Variants in SCAPER observed in about 807,000 individuals in gnomAD.
SCAPER encodes the protein S phase cyclin A-associated protein in the endoplasmic reticulum.
A neutral mutation model predicts 182.2 loss-of-function variants in SCAPER; 98 were observed. The ratio of observed to expected loss-of-function variants is 0.54; its 90% CI spans 0.46 to 0.64. The LOEUF (loss-of-function observed/expected upper bound fraction) is 0.64, where lower values mean the gene tolerates loss of function less well. Among genes scored for constraint, SCAPER ranks in the 30% least tolerant of loss-of-function variants. SCAPER has a pLI of 0.00. For synonymous variants in SCAPER, 605 were observed against 564.6 expected (o/e 1.07, Z -1.01); for missense variants, 1,432 against 1,690.0 (o/e 0.85, Z 2.68).
At chr15:76,741,497 G>A (rs2061535459) in intron 15 of SCAPER, among the ~76,000 whole-genome samples, 1 of 152,112 alleles carries the variant, frequency 6.6e-6, no homozygotes. Flanking sequence ...CTGGAGGGAG[G>A]AGGAACAAAA....
At chr15:76,612,845 C>T (rs577547939) in intron 22 of SCAPER, among the ~76,000 whole-genome samples, 1 of 152,278 alleles carries the variant, frequency 6.6e-6, no homozygotes, top group Non-Finnish European at 1.5e-5. Context: ...GGCCATACTG[C>T]TCAAAGCAGT....
chr15:76,849,411 G>A (rs1015615231), intron 4 of SCAPER, among the ~76,000 whole-genome samples: 2 of 152,090 alleles, frequency 1.3e-5, no homozygotes, highest in African/African-American at 4.8e-5. Context: ...CATGGGTCCC[G>A]CCCACCTCCT....
intron 6 of SCAPER, among the ~76,000 whole-genome samples, chr15:76,802,622 G>T (rs2065877823): frequency 6.6e-6 from 1 of 152,116 alleles, no homozygotes; most frequent in South Asian, 2.1e-4. Context: ...GGTTTCCCGG[G>T]AATCCAGCCC....
Position 76,353,946 on chromosome 15 carries a change from T to A in SCAPER, c.4047+3A>T. 1.3e-6 allele frequency: 2 copies of A among 1,559,402 alleles called. No individual in the cohort carries two copies. Among genetic ancestry groups the A allele is most frequent in the Non-Finnish European group, 8.6e-7 (1 of 1,158,826 alleles). On this transcript the variant is annotated splice_donor_region_variant and intron_variant, in intron 30 of 31. Transcript: ENST00000563290. ...AGACAATTACGTATAATGTAGAAGG[T>A]ACCTGAATGAAAGTGGCCAGTAAAA...
rs547937196 is a variant in SCAPER at position 76,462,611 on chromosome 15, C to G, written c.3078+8601G>C. Among the ~76,000 whole-genome samples, 3 of 152,206 alleles carry G rather than the reference C, an allele frequency of 2.0e-5. No homozygotes were observed. In the South Asian group the frequency reaches 6.2e-4, roughly 32 times the overall value. ...CTATCAGTATTTGTAAGCAGTGTGA[C>G]ATATTTTTTACACTGATGAAGGTAC... On this transcript the variant is annotated intron_variant, in intron 25 of 31. Coordinates refer to ENST00000563290, the MANE Select transcript of SCAPER (RefSeq NM_020843.4).
chr15:76,776,758 G>A (rs537443199), intron 8 of SCAPER, among the ~76,000 whole-genome samples: 3 of 152,224 alleles, frequency 2.0e-5, no homozygotes, highest in Non-Finnish European at 2.9e-5. Flanking sequence ...TTATAAAACC[G>A]GTAGGAGGAA....
At chr15:76,681,654 A>G (rs573573721) in intron 20 of SCAPER, among the ~76,000 whole-genome samples, 1 of 152,310 alleles carries the variant, frequency 6.6e-6, no homozygotes, top group Admixed American at 6.5e-5. Flanking sequence ...GGTTCTTGGC[A>G]CCCAAAAATT....
At position 76,887,378 on chromosome 15, in the gene SCAPER, T is replaced by A. The variant is rs1035667702; in HGVS notation, c.-59-3502A>T. On this transcript the variant is annotated intron_variant, in intron 1 of 31. Transcript: ENST00000563290. ...CGCCTCACCAGGGAAGCACAAGGGG[T>A]TGGGGATTTCTCATTCCTAGCCAAG... 3.3e-5 allele frequency among the ~76,000 whole-genome samples: 5 copies of A among 151,854 alleles called. No individual in the cohort carries two copies. In the East Asian group the frequency reaches 5.8e-4, roughly 18 times the overall value.
At chr15:76,535,767 G>C (rs2044105682) in intron 23 of SCAPER, among the ~76,000 whole-genome samples, 2 of 152,170 alleles carry the variant, frequency 1.3e-5, no homozygotes, top group South Asian at 4.1e-4. Context: ...AAGGAGTCTT[G>C]TTAAGGTAGA....
chr15:76,780,028 T>C lies in SCAPER; in HGVS notation c.773-4911A>G, dbSNP rs891565042. On this transcript the variant is annotated intron_variant, in intron 8 of 31. Coordinates refer to ENST00000563290, the MANE Select transcript of SCAPER (RefSeq NM_020843.4). ...ACCTGGTTCATCTCATTGTGACTGG[T>C]TGGACAGGAGGCGCCCACAAAAGGC... 2.0e-5 allele frequency among the ~76,000 whole-genome samples: 3 copies of C among 152,216 alleles called. No individual in the cohort carries two copies. In the South Asian group the frequency reaches 6.2e-4, roughly 32 times the overall value.
At chr15:76,712,542 T>G (rs956992803) in intron 17 of SCAPER, among the ~76,000 whole-genome samples, 2 of 152,324 alleles carry the variant, frequency 1.3e-5, no homozygotes, top group African/African-American at 4.8e-5. Flanking sequence ...ATGGCCATTT[T>G]CACGATATTG....
chr15:76,539,033 C>T (rs1369303144), intron 23 of SCAPER, among the ~76,000 whole-genome samples: 1 of 150,846 alleles, frequency 6.6e-6, no homozygotes, highest in African/African-American at 2.4e-5. Flanking sequence ...AATTATGTAA[C>T]TTAACTAAAT....
chr15:76,479,174 A>G (rs2050898772), intron 24 of SCAPER, among the ~76,000 whole-genome samples: 1 of 152,158 alleles, frequency 6.6e-6, no homozygotes, highest in South Asian at 2.1e-4. Context: ...AGGAAAAAAA[A>G]GGAGGAGGGA....
intron 25 of SCAPER, among the ~76,000 whole-genome samples, chr15:76,464,178 C>T (rs2049412064): frequency 6.6e-6 from 1 of 152,022 alleles, no homozygotes; most frequent in Non-Finnish European, 1.5e-5. Context: ...CTTCCCCCTC[C>T]CCTTGGTCCC....
chr15:76,361,265 T>C (rs555696149), intron 29 of SCAPER, among the ~76,000 whole-genome samples: 1 of 152,218 alleles, frequency 6.6e-6, no homozygotes, highest in South Asian at 2.1e-4. Context: ...TGTGACCACA[T>C]GGAATTCAGT....
intron 8 of SCAPER, among the ~76,000 whole-genome samples, chr15:76,779,638 T>G (rs2063970907): frequency 1.3e-5 from 2 of 151,992 alleles, no homozygotes; most frequent in African/African-American, 4.8e-5. Context: ...ACTAGTTCTA[T>G]GCAAGCTATT....
At chr15:76,653,997 TAAAC>T (rs1164228648) in intron 21 of SCAPER, among the ~76,000 whole-genome samples, 1 of 151,838 alleles carries the variant, frequency 6.6e-6, no homozygotes, top group Non-Finnish European at 1.5e-5. Flanking sequence ...ACAGAGAACT[TAAAC>T]AAATCAACAA....
intron 25 of SCAPER, among the ~76,000 whole-genome samples, chr15:76,434,772 T>A (rs2047086659): frequency 6.6e-6 from 1 of 152,212 alleles, no homozygotes; most frequent in African/African-American, 2.4e-5. Flanking sequence ...CATTTCCTAC[T>A]ACAAAATGGC....
chr15:76,418,679 C>A (rs1019347496), intron 26 of SCAPER, among the ~76,000 whole-genome samples: 1 of 152,232 alleles, frequency 6.6e-6, no homozygotes, highest in Non-Finnish European at 1.5e-5. Context: ...CTAGGCCAGA[C>A]AAAATTACTG....
Sources: gnomAD v4.1 joint callset for allele counts (sites outside exome capture counted in the v4.1 genomes callset) on GRCh38, gnomAD v4.1.1 for gene constraint, MANE v1.5 for transcripts, NCBI Gene and HGNC (gene_info 2026-07-23, HGNC 2026-07-21) for gene names.